Variants in NPTN observed in about 807,000 individuals in gnomAD.
NPTN encodes neuroplastin.
A neutral mutation model predicts 42.7 loss-of-function variants in NPTN; 5 were observed. That is an observed-to-expected ratio of 0.12 (90% CI 0.06 to 0.25). The LOEUF (loss-of-function observed/expected upper bound fraction) is 0.25. Ranked by LOEUF, NPTN falls within the 10% of genes least tolerant of loss-of-function variation. The pLI, the probability that NPTN is intolerant of heterozygous loss-of-function variation, is 1.00. For synonymous variants in NPTN, 180 were observed against 201.9 expected (o/e 0.89, Z 0.92); for missense variants, 307 against 525.4 (o/e 0.58, Z 4.06).
intron 6 of NPTN, chr15:73,568,391 G>A: frequency 1.0e-6 from 1 of 985,428 alleles, no homozygotes; most frequent in South Asian, 4.7e-5. Flanking sequence ...CCAAAAGGCA[G>A]GCTGAGGAAG....
chr15:73,562,461 A>T (rs1894734033), intron 7 of NPTN, among the ~76,000 whole-genome samples: 1 of 152,204 alleles, frequency 6.6e-6, no homozygotes, highest in Non-Finnish European at 1.5e-5. Context: ...TACAGGTGAG[A>T]ATATGTAAAA....
At chr15:73,629,231 A>G (rs1309955888) in intron 1 of NPTN, among the ~76,000 whole-genome samples, 1 of 152,198 alleles carries the variant, frequency 6.6e-6, no homozygotes, top group Non-Finnish European at 1.5e-5. Context: ...GAGAGACTGA[A>G]AGCCTGTGAT....
chr15:73,593,062 G>A (rs77034301), intron 2 of NPTN, among the ~76,000 whole-genome samples: 5,844 of 152,010 alleles, frequency 0.038, 178 homozygotes, highest in Middle Eastern at 0.099. Context: ...CTTGTGTCCT[G>A]GGCAAGGTAT....
intron 4 of NPTN, among the ~76,000 whole-genome samples, chr15:73,575,652 T>C (rs1382130118): frequency 6.6e-6 from 1 of 152,248 alleles, no homozygotes; most frequent in East Asian, 1.9e-4. Flanking sequence ...CTTGAGACTG[T>C]AGAAGCCTGT....
chr15:73,580,047 G>A lies in NPTN; in HGVS notation c.707-6252C>T, dbSNP rs1179244573. ...TACAAATATACCAATTGATGAAGCA[G>A]ACATTACCCCACTTTTTAAAATTGG... On this transcript the variant is annotated intron_variant, in intron 4 of 8. Coordinates refer to ENST00000345330, the MANE Select transcript of NPTN (RefSeq NM_012428.4). 2.0e-5 allele frequency among the ~76,000 whole-genome samples: 3 copies of A among 152,016 alleles called. No individual in the cohort carries two copies. The East Asian group carries it at 5.8e-4, about 29-fold the overall frequency.
intron 6 of NPTN, chr15:73,567,102 T>C (rs2141353396): frequency 1.0e-6 from 1 of 981,934 alleles, no homozygotes; most frequent in African/African-American, 1.7e-5. Context: ...TGAAACATAC[T>C]TAAACTAAAC....
chr15:73,629,334 T>C (rs1898605430), intron 1 of NPTN, among the ~76,000 whole-genome samples: 1 of 152,236 alleles, frequency 6.6e-6, no homozygotes, highest in Admixed American at 6.5e-5. Flanking sequence ...ACATTCGGCA[T>C]GTCATTTGTG....
intron 1 of NPTN, among the ~76,000 whole-genome samples, chr15:73,602,319 C>T (rs1372745248): frequency 6.6e-6 from 1 of 152,152 alleles, no homozygotes; most frequent in Non-Finnish European, 1.5e-5. Flanking sequence ...CTCTAATTCC[C>T]TGTGGCTGGC....
chr15:73,573,769 G>T lies in NPTN; in HGVS notation c.733C>A (p.Arg245=), dbSNP rs373313152. ...TGCCCTTCATTCTTGTTCTCACTCC[G>T]TTTATGGCCAGTGATGTCAGGAGCG... ...KAAPDITGHK[R]SENKNEGQDA... Residue 245 remains arginine (R), a synonymous_variant, in exon 5 of 9, where the codon CGG becomes AGG. Transcript: ENST00000345330. The T allele has an allele frequency of 1.2e-6, 2 of 1,603,076 alleles. No individual in the cohort carries two copies. The highest frequency in any genetic ancestry group is 1.1e-5 in the South Asian group (1 of 88,630).
chr15:73,629,916 G>A (rs1397971472), intron 1 of NPTN, among the ~76,000 whole-genome samples: 1 of 151,992 alleles, frequency 6.6e-6, no homozygotes, highest in African/African-American at 2.4e-5. Context: ...ACCAGAATTG[G>A]CAATTGCAGA....
intron 1 of NPTN, among the ~76,000 whole-genome samples, chr15:73,626,892 T>C (rs577982454): frequency 6.6e-6 from 1 of 152,314 alleles, no homozygotes; most frequent in African/African-American, 2.4e-5. Flanking sequence ...TTTGAAGTAA[T>C]ACCTGGGTGA....
At chr15:73,603,241 C>T (rs1003759294) in intron 1 of NPTN, among the ~76,000 whole-genome samples, 1 of 152,154 alleles carries the variant, frequency 6.6e-6, no homozygotes, top group Non-Finnish European at 1.5e-5. Context: ...ATAGTAAGCA[C>T]TCAATAATGT....
At chr15:73,573,885 A>G in intron 4 of NPTN, 90 bp from the exon 5 acceptor site, 1 of 1,491,792 alleles carries the variant, frequency 6.7e-7, no homozygotes, top group Non-Finnish European at 9.1e-7. Flanking sequence ...CCCTGCTTGT[A>G]ATGTAGTCAG....
intron 1 of NPTN, among the ~76,000 whole-genome samples, chr15:73,628,465 C>G (rs1898547120): frequency 6.6e-6 from 1 of 152,176 alleles, no homozygotes; most frequent in Non-Finnish European, 1.5e-5. Context: ...TCCAAAACTA[C>G]TCTGCATAAT....
intron 2 of NPTN, among the ~76,000 whole-genome samples, chr15:73,594,461 A>G (rs1371169750): frequency 6.6e-6 from 1 of 152,208 alleles, no homozygotes; most frequent in Non-Finnish European, 1.5e-5. Context: ...CAAGTGGATA[A>G]TTTAAATAGG....
At chr15:73,602,094 A>C (rs1198221266) in intron 1 of NPTN, among the ~76,000 whole-genome samples, 1 of 152,212 alleles carries the variant, frequency 6.6e-6, no homozygotes, top group Admixed American at 6.5e-5. Flanking sequence ...AACTGCTTTC[A>C]TATATGCCCT....
At chr15:73,586,410 CCTGTAA>C (rs1595920403) in intron 4 of NPTN, among the ~76,000 whole-genome samples, 2 of 152,342 alleles carry the variant, frequency 1.3e-5, no homozygotes. Flanking sequence ...CCCAGTGTGA[CCTGTAA>C]CTGTAACTCC....
At chr15:73,583,563 A>G (rs1478593171) in intron 4 of NPTN, among the ~76,000 whole-genome samples, 1 of 152,164 alleles carries the variant, frequency 6.6e-6, no homozygotes, top group East Asian at 1.9e-4. Context: ...TATTCTTATT[A>G]AGGAAGGTCA....
At chr15:73,562,958 A>C (rs1468286813) in intron 7 of NPTN, among the ~76,000 whole-genome samples, 3 of 152,210 alleles carry the variant, frequency 2.0e-5, no homozygotes, top group Admixed American at 2.0e-4. Context: ...CATTTCCCCC[A>C]CATTTTAAGT....
Sources: allele counts gnomAD v4.1 joint callset (sites outside exome capture counted in the v4.1 genomes callset), GRCh38; gene constraint gnomAD v4.1.1; transcripts MANE v1.5; gene names NCBI Gene and HGNC (gene_info 2026-07-23, HGNC 2026-07-21).